The following FBXW8 variants were observed in gnomAD, a reference collection of about 807,000 sequenced individuals.
FBXW8 encodes the protein F-box/WD repeat-containing protein 8.
FBXW8 carries 57 observed loss-of-function variants against 65.3 expected under a neutral mutation model. The ratio of observed to expected loss-of-function variants is 0.87; its 90% CI spans 0.71 to 1.09. FBXW8 has a LOEUF of 1.09. FBXW8 is among the 50% of genes least tolerant of loss of function. FBXW8 has a pLI of 0.00. For missense variants in FBXW8, 777 were observed against 814.8 expected, an observed-to-expected ratio of 0.95 and a Z score of 0.57; for synonymous variants, 308 against 330.2, an observed-to-expected ratio of 0.93 and a Z score of 0.73.
At chr12:116,995,501 A>G (rs955198418) in intron 7 of FBXW8, among the ~76,000 whole-genome samples, 21 of 152,232 alleles carry the variant, frequency 1.4e-4, no homozygotes, top group African/African-American at 3.1e-4. Context: ...GTGTCGCCCA[A>G]GAGTTCCTAA....
At chr12:116,993,805 T>G (rs1450326050) in intron 7 of FBXW8, among the ~76,000 whole-genome samples, 2 of 152,238 alleles carry the variant, frequency 1.3e-5, no homozygotes, top group Non-Finnish European at 2.9e-5. Context: ...TAGACGTAAA[T>G]TATTTGCCTA....
intron 7 of FBXW8, among the ~76,000 whole-genome samples, chr12:116,992,346 T>A (rs1342143852): frequency 1.3e-5 from 2 of 151,800 alleles, no homozygotes; most frequent in Admixed American, 1.3e-4. Flanking sequence ...TTGCCAGCAG[T>A]GTTATGGGCC....
intron 2 of FBXW8, among the ~76,000 whole-genome samples, chr12:116,930,998 G>A (rs1376763746): frequency 2.0e-5 from 3 of 152,162 alleles, no homozygotes; most frequent in African/African-American, 7.2e-5. Context: ...TGTAAGGACA[G>A]GGTCTTGCTT....
chr12:116,944,647 A>G (rs1882812952), intron 2 of FBXW8, among the ~76,000 whole-genome samples: 1 of 152,176 alleles, frequency 6.6e-6, no homozygotes, highest in Non-Finnish European at 1.5e-5. Flanking sequence ...AGTCTGGCCA[A>G]CTTTGCACAT....
intron 10 of FBXW8, 23 bp downstream of exon 10, chr12:117,027,527 T>G (rs1286930892): frequency 6.3e-7 from 1 of 1,580,990 alleles, no homozygotes. Flanking sequence ...GCCGGGCGAG[T>G]AAGAGACCAT....
Position 116,961,106 on chromosome 12 carries a change from C to A in FBXW8, c.678-3591C>A, listed in dbSNP as rs1334207735. 6.6e-6 allele frequency among the ~76,000 whole-genome samples: 1 copy of A among 152,204 alleles called. No individual in the cohort carries two copies. Among genetic ancestry groups the A allele is most frequent in the Non-Finnish European group, 1.5e-5 (1 of 68,030 alleles). The stretch of plus-strand genomic sequence containing the variant: ...CCACCTCCCAGTTCAAGCGATTCTT[C>A]TGCCTCAGCCTCCCAAGTAGGTGGG... On this transcript the variant is annotated intron_variant, in intron 4 of 10. Transcript: ENST00000652555. This position sits in a 1 kb window ranked among gnomAD's most constrained non-coding sequence, Gnocchi z 4.4.
intron 1 of FBXW8, 94 bp from the exon 2 acceptor site, chr12:116,927,929 C>T (rs1020800334): frequency 8.3e-6 from 6 of 721,524 alleles, no homozygotes; most frequent in Non-Finnish European, 1.4e-5. Context: ...TTGTTACCAC[C>T]TAAGAATATC....
intron 5 of FBXW8, among the ~76,000 whole-genome samples, chr12:116,973,210 C>T (rs1884738295): frequency 6.6e-6 from 1 of 152,074 alleles, no homozygotes; most frequent in Admixed American, 6.5e-5. Context: ...AGAAAAGTTT[C>T]CTTATAGTAG....
rs188077679 is a variant in FBXW8, at chr12:116,958,149, A to G, written c.678-6548A>G. On this transcript the variant is annotated intron_variant, in intron 4 of 10. Transcript: ENST00000652555. ...TAAGACGTTCATTATTTTTCAATTG[A>G]TGCGTCTTAAGCCCCACTTGATGTT... Among the ~76,000 whole-genome samples the G allele has an allele frequency of 3.5e-3, 538 of 152,308 alleles. 9 individuals carry two copies. The highest frequency in any genetic ancestry group is 5.0e-3 in the East Asian group (26 of 5,188).
rs921026423 is a variant in FBXW8 at position 116,934,745 on chromosome 12, A to G, written c.423+6618A>G. Among the ~76,000 whole-genome samples, 6 of 152,246 alleles carry G rather than the reference A, an allele frequency of 3.9e-5. No individual in the cohort carries two copies. In the South Asian group the frequency reaches 1.2e-3, roughly 32 times the overall value. ...TCCCGCATAACTACAGAACAGTAGCAAACCAGGACCTGACATTGGCACAAT... is the reference window on the plus strand; with the variant it reads ...TCCCGCATAACTACAGAACAGTAGCGAACCAGGACCTGACATTGGCACAAT... On this transcript the variant is annotated intron_variant, in intron 2 of 10. Transcript: ENST00000652555.
intron 10 of FBXW8, 138 bp from the exon 11 acceptor site, chr12:117,027,890 C>T (rs1028093138): frequency 2.3e-5 from 26 of 1,154,186 alleles, no homozygotes; most frequent in Admixed American, 1.6e-4. Flanking sequence ...GTATCTGACG[C>T]TGTGTGCCCA....
chr12:116,998,111 G>T (rs540892656), intron 7 of FBXW8, among the ~76,000 whole-genome samples: 1 of 152,128 alleles, frequency 6.6e-6, no homozygotes, highest in African/African-American at 2.4e-5. Flanking sequence ...GAGCCACCGC[G>T]CCTGGCCCCC....
chr12:116,983,484 A>C (rs2135665795), intron 5 of FBXW8, among the ~76,000 whole-genome samples: 1 of 152,334 alleles, frequency 6.6e-6, no homozygotes, highest in South Asian at 2.1e-4. Context: ...GCCTACTGAC[A>C]GTTTGGAAGT....
intron 9 of FBXW8, among the ~76,000 whole-genome samples, chr12:117,026,463 A>C (rs1444059262): frequency 6.6e-6 from 1 of 152,134 alleles, no homozygotes; most frequent in Non-Finnish European, 1.5e-5. Context: ...AGGTCCACCA[A>C]CACTTTCCTT....
intron 5 of FBXW8, among the ~76,000 whole-genome samples, chr12:116,976,182 AT>A (rs1884915784): frequency 1.3e-5 from 2 of 152,220 alleles, no homozygotes. Flanking sequence ...ATTTAATGCC[AT>A]TTAAAAACAA....
chr12:116,953,519 C>T (rs529194231), intron 4 of FBXW8, among the ~76,000 whole-genome samples: 1 of 152,310 alleles, frequency 6.6e-6, no homozygotes, highest in South Asian at 2.1e-4. Context: ...CGCCTGTAAT[C>T]CCAGCACTTT....
intron 5 of FBXW8, among the ~76,000 whole-genome samples, chr12:116,972,974 C>G (rs1884726340): frequency 6.6e-6 from 1 of 152,132 alleles, no homozygotes; most frequent in African/African-American, 2.4e-5. Context: ...CACAGTAAGC[C>G]TGGACCATCT....
At chr12:117,022,533 T>C (rs1306173182) in intron 8 of FBXW8, among the ~76,000 whole-genome samples, 2 of 152,150 alleles carry the variant, frequency 1.3e-5, no homozygotes, top group Admixed American at 6.5e-5. Context: ...CACGTGCTTG[T>C]AGTCCCAGCT....
chr12:116,997,053 G>A (rs926083214), intron 7 of FBXW8, among the ~76,000 whole-genome samples: 1 of 152,150 alleles, frequency 6.6e-6, no homozygotes, highest in Non-Finnish European at 1.5e-5. Context: ...TTTTGTACAT[G>A]TTTAATATTA....
Sources: gnomAD v4.1 joint callset for allele counts (sites outside exome capture counted in the v4.1 genomes callset) on GRCh38, gnomAD v4.1.1 for gene constraint, Gnocchi (gnomAD v3.1) non-coding constraint, MANE v1.5 for transcripts, NCBI Gene and HGNC (gene_info 2026-07-23, HGNC 2026-07-21) for gene names.